TGM4: variants seen among roughly 807,000 people sequenced by gnomAD.
The protein encoded by TGM4 is transglutaminase 4, also known as protein-glutamine gamma-glutamyltransferase 4.
TGM4 carries 61 observed loss-of-function variants against 76.3 expected under a neutral mutation model. That is an observed-to-expected ratio of 0.80 (90% confidence interval 0.65 to 0.99). The LOEUF is 0.99. TGM4 is among the 50% of genes least tolerant of loss of function. TGM4 has a pLI of 0.00. For synonymous variants in TGM4, 337 were observed against 329.8 expected (o/e 1.02, Z -0.24); for missense variants, 794 against 843.2 (o/e 0.94, Z 0.72).
rs202167513 is a variant in TGM4 at position 44,910,351 on chromosome 3, C to T, written c.1589C>T (p.Ser530Leu). The T allele has an allele frequency of 1.0e-4, 162 of 1,613,650 alleles. 1 individual carries two copies. The highest frequency in any genetic ancestry group is 6.7e-4 in the South Asian group (61 of 91,080). ...AAACTGTGTGACCTCAATAAGACCTCGCAGATCCAAGGTCAAGGTACCAGA... is the reference window on the plus strand; with the variant it reads ...AAACTGTGTGACCTCAATAAGACCTTGCAGATCCAAGGTCAAGGTACCAGA... ...MAKLCDLNKT[S>L]QIQGQVSEVT... The change falls in exon 11 of 14, where the codon TCG (serine) becomes TTG (leucine). Residue 530 changes from serine to leucine, a missense_variant. Physicochemically the swap from Ser to Leu is moderately radical, Grantham distance 145 (BLOSUM62 -2). Transcript: ENST00000296125.
rs1700000111 is a variant in TGM4, at chr3:44,911,147, TA to T, written c.1776+23del. On this transcript the variant is annotated intron_variant, in intron 12 of 13. Coordinates refer to ENST00000296125, the MANE Select transcript of TGM4 (RefSeq NM_003241.4). ...ATAGAGGTGAGCTTCCTGCAGGCCA[TA>T]AAGGGCTCCTTCTGCCTGGAAGTTG... 6.2e-7 allele frequency: 1 copy of T among 1,612,192 alleles called. No individual in the cohort carries two copies. Among genetic ancestry groups the T allele is most frequent in the African/African-American group, 1.3e-5 (1 of 74,962 alleles).
rs985969208 is a variant in TGM4 at position 44,908,730 on chromosome 3, C to CT, written c.1328-1351dup. 2.2e-4 allele frequency among the ~76,000 whole-genome samples: 33 copies of CT among 151,504 alleles called. 2 individuals carry two copies. The highest frequency in any genetic ancestry group is 1.4e-3 in the Admixed American group (22 of 15,200). On this transcript the variant is annotated intron_variant, in intron 10 of 13. Coordinates refer to ENST00000296125, the MANE Select transcript of TGM4 (RefSeq NM_003241.4). Reference sequence around the variant, plus strand: ...ATTTGGCAAGCCATTTGTTCTCACACTTTTTTTTTAGTTTTTTGAATATAT... The same window carrying CT: ...ATTTGGCAAGCCATTTGTTCTCACACTTTTTTTTTTAGTTTTTTGAATATAT...
chr3:44,893,922 C>T (rs1242207086), intron 5 of TGM4, among the ~76,000 whole-genome samples: 1 of 151,080 alleles, frequency 6.6e-6, no homozygotes, highest in Non-Finnish European at 1.5e-5. Flanking sequence ...TGGCCTTTCC[C>T]ATCCACCCCA....
intron 1 of TGM4, among the ~76,000 whole-genome samples, chr3:44,876,165 C>T (rs1191095176): frequency 1.3e-5 from 2 of 152,176 alleles, no homozygotes; most frequent in Admixed American, 1.3e-4. Flanking sequence ...ACAAACCCGG[C>T]GTGTGTTCAT....
chr3:44,879,010 A>G (rs999751936), intron 1 of TGM4, among the ~76,000 whole-genome samples: 1 of 152,074 alleles, frequency 6.6e-6, no homozygotes. Flanking sequence ...AGGTTGTATT[A>G]TAGGTATTTG....
intron 4 of TGM4, 78 bp from the exon 5 acceptor site, chr3:44,893,497 GCA>G: frequency 3.3e-6 from 4 of 1,229,850 alleles, no homozygotes; most frequent in Middle Eastern, 5.2e-4. Flanking sequence ...ATCTCCCCCA[GCA>G]CAGACAGTCC....
At chr3:44,909,382 C>T (rs1181965184) in intron 10 of TGM4, among the ~76,000 whole-genome samples, 1 of 152,186 alleles carries the variant, frequency 6.6e-6, no homozygotes, top group African/African-American at 2.4e-5. Flanking sequence ...TTCTTTTCCC[C>T]TCAACTCCCT....
chr3:44,879,179 T>G (rs920282830), intron 1 of TGM4, among the ~76,000 whole-genome samples: 2 of 150,800 alleles, frequency 1.3e-5, no homozygotes, highest in Non-Finnish European at 3.0e-5. Flanking sequence ...TATTCCTTTC[T>G]CATCATTCTG....
At chr3:44,911,515 T>C (rs1174491196) in intron 13 of TGM4, 109 bp downstream of exon 13, 1 of 1,316,162 alleles carries the variant, frequency 7.6e-7, no homozygotes, top group Non-Finnish European at 1.0e-6. Context: ...AGGGTCAAAA[T>C]GTAGATACAT....
chr3:44,913,401 T>G (rs1700033191), intron 13 of TGM4, among the ~76,000 whole-genome samples, 183 bp from the exon 14 acceptor site: 1 of 152,230 alleles, frequency 6.6e-6, no homozygotes, highest in Non-Finnish European at 1.5e-5. Flanking sequence ...TTGCTTTACA[T>G]CTGAGAAAAC....
chr3:44,892,412 G>C (rs1443872254), intron 4 of TGM4, among the ~76,000 whole-genome samples: 1 of 144,200 alleles, frequency 6.9e-6, no homozygotes, highest in Non-Finnish European at 1.5e-5. Flanking sequence ...GCCCAGGCTG[G>C]AGTGCAATGG....
chr3:44,900,431 A>G (rs150709018), intron 6 of TGM4, among the ~76,000 whole-genome samples: 34 of 152,214 alleles, frequency 2.2e-4, no homozygotes, highest in African/African-American at 8.0e-4. Flanking sequence ...ACAGGACCTG[A>G]GAGGTCACGG....
intron 2 of TGM4, among the ~76,000 whole-genome samples, chr3:44,886,101 T>A (rs560786901): frequency 6.6e-6 from 1 of 152,230 alleles, no homozygotes; most frequent in East Asian, 1.9e-4. Flanking sequence ...CCCAGCATTT[T>A]GGGAGGCCGA....
chr3:44,877,452 A>ATAAATAAG (rs1237641791), intron 1 of TGM4, among the ~76,000 whole-genome samples: 2 of 152,070 alleles, frequency 1.3e-5, no homozygotes, highest in Non-Finnish European at 1.5e-5. Context: ...AAATAAATAA[A>ATAAATAAG]TAAATAAAAA....
intron 5 of TGM4, 29 bp downstream of exon 5, chr3:44,893,724 C>A: frequency 6.3e-7 from 1 of 1,583,920 alleles, no homozygotes. Context: ...GTGGCTGCAC[C>A]AGGCCCCATC....
Position 44,914,123 on chromosome 3 carries a change from T to C in TGM4, c.*398T>C, listed in dbSNP as rs1460594843. 3 of 170,772 alleles carry C rather than the reference T, an allele frequency of 1.8e-5. No individual in the cohort carries two copies. The highest frequency in any genetic ancestry group is 3.8e-5 in the Non-Finnish European group (3 of 79,466). 10.6% of individuals were successfully genotyped at this position (170,772 alleles called of 1,614,324 possible). A position where few individuals can be genotyped will look rare whatever the true frequency, so the allele number is the denominator to read the frequency against. ...GAGAAGCTGCCATATCTTCAGGCCA[T>C]GGGTTCACCAGCCCTGAAGGCACCT... is the stretch of plus-strand genomic sequence containing the variant. On this transcript the variant is annotated 3_prime_UTR_variant, in exon 14 of 14. Coordinates refer to ENST00000296125, the MANE Select transcript of TGM4 (RefSeq NM_003241.4).
intron 2 of TGM4, 44 bp from the exon 3 acceptor site, chr3:44,887,645 G>T (rs1218660893): frequency 8.3e-6 from 13 of 1,568,988 alleles, no homozygotes; most frequent in Admixed American, 1.7e-5. Context: ...TTGTCTTGGG[G>T]GTGGCCCATG....
At chr3:44,901,330 T>A (rs1699849493) in intron 6 of TGM4, among the ~76,000 whole-genome samples, 194 bp from the exon 7 acceptor site, 1 of 152,180 alleles carries the variant, frequency 6.6e-6, no homozygotes, top group South Asian at 2.1e-4. Context: ...GTGAGCATCC[T>A]CCCCGGTCAC....
chr3:44,904,954 T>G (rs778432438), intron 9 of TGM4, among the ~76,000 whole-genome samples: 1 of 151,936 alleles, frequency 6.6e-6, no homozygotes. Flanking sequence ...AGTGTTGGGA[T>G]TACAGGCATG....
Sources: gnomAD v4.1 joint callset for allele counts (sites outside exome capture counted in the v4.1 genomes callset) on GRCh38, gnomAD v4.1.1 for gene constraint, MANE v1.5 for transcripts, NCBI Gene and HGNC (gene_info 2026-07-23, HGNC 2026-07-21) for gene names.